The following GABRR2 variants were observed in gnomAD, a reference collection of about 807,000 sequenced individuals.
GABRR2 encodes gamma-aminobutyric acid type A receptor subunit rho2, also known as gamma-aminobutyric acid receptor subunit rho-2.
In GABRR2, 36 loss-of-function variants were observed where a neutral mutation model predicts 47.0. That is an observed-to-expected ratio of 0.77 (90% CI 0.59 to 1.01). The LOEUF (loss-of-function observed/expected upper bound fraction) is 1.01. GABRR2 is among the 50% of genes least tolerant of loss of function. The pLI is 0.00. For synonymous variants in GABRR2, 204 were observed against 227.5 expected (o/e 0.90, Z 0.93); for missense variants, 587 against 594.6 (o/e 0.99, Z 0.13).
chr6:89,281,273 G>A (rs1472678344), intron 2 of GABRR2, among the ~76,000 whole-genome samples: 1 of 152,200 alleles, frequency 6.6e-6, no homozygotes, highest in Non-Finnish European at 1.5e-5. Flanking sequence ...TCTGTTTCAG[G>A]ACACATCACA....
chr6:89,261,655 G>C (rs1327909542), intron 8 of GABRR2, among the ~76,000 whole-genome samples: 1 of 152,150 alleles, frequency 6.6e-6, no homozygotes, highest in Non-Finnish European at 1.5e-5. Context: ...ACACCCCTGC[G>C]CTTAAAGAAT....
chr6:89,271,755 CCTT>C, intron 2 of GABRR2, 33 bp from the exon 3 acceptor site: 2 of 1,591,252 alleles, frequency 1.3e-6, no homozygotes. Context: ...GGTTAAGGCA[CCTT>C]CCTCTCTACC....
Position 89,267,744 on chromosome 6 carries a change from G to T in GABRR2, c.671C>A (p.Ser224Tyr), listed in dbSNP as rs1177545849. The change falls in exon 6 of 9, where the codon TCC becomes TAC. Residue 224 changes from serine to tyrosine, a missense_variant. By Grantham distance (144) the Ser-to-Tyr change is moderately radical (BLOSUM62 -2). Transcript: ENST00000402938. ...DESLKTDEKI[S>Y]LSQFLIQKFH... Reference sequence around the variant, plus strand: ...TTTCTGAATCAGAAACTGAGACAAGGAGATCTTCTCATCTGTTTTTAGGGA... The same window carrying T: ...TTTCTGAATCAGAAACTGAGACAAGTAGATCTTCTCATCTGTTTTTAGGGA... 1.2e-6 allele frequency: 2 copies of T among 1,613,790 alleles called. No individual in the cohort carries two copies. Among genetic ancestry groups the T allele is most frequent in the African/African-American group, 1.3e-5 (1 of 74,942 alleles).
intron 1 of GABRR2, chr6:89,301,725 G>A (rs1481145173): frequency 6.2e-6 from 4 of 645,700 alleles, no homozygotes; most frequent in Non-Finnish European, 1.1e-5. Context: ...AATCAGAGAT[G>A]TCAGCAGCCA....
intron 8 of GABRR2, among the ~76,000 whole-genome samples, chr6:89,258,486 G>A (rs969201774): frequency 6.7e-6 from 1 of 150,194 alleles, no homozygotes; most frequent in Admixed American, 6.6e-5. Context: ...CAGGAGGATC[G>A]CTTGAGGCCA....
chr6:89,263,833 T>C (rs1773811780), intron 8 of GABRR2, among the ~76,000 whole-genome samples: 1 of 152,214 alleles, frequency 6.6e-6, no homozygotes, highest in South Asian at 2.1e-4. Flanking sequence ...GATAGTATAG[T>C]ATTTCCAATT....
At chr6:89,309,336 T>C (rs1162344500) in intron 1 of GABRR2, among the ~76,000 whole-genome samples, 2 of 151,844 alleles carry the variant, frequency 1.3e-5, no homozygotes, top group Non-Finnish European at 2.9e-5. Context: ...TCTTACAGAG[T>C]CCTTTGAACC....
intron 2 of GABRR2, among the ~76,000 whole-genome samples, chr6:89,292,747 T>TATC (rs1774476674): frequency 2.8e-5 from 3 of 108,578 alleles, no homozygotes; most frequent in African/African-American, 3.9e-5. Flanking sequence ...TATATAATCG[T>TATC]ATATATCGTA....
chr6:89,261,778 C>T (rs1773751561), intron 8 of GABRR2, among the ~76,000 whole-genome samples: 1 of 152,118 alleles, frequency 6.6e-6, no homozygotes, highest in Non-Finnish European at 1.5e-5. Flanking sequence ...TGGTTCATGC[C>T]TGTAATCCCA....
intron 2 of GABRR2, among the ~76,000 whole-genome samples, chr6:89,291,345 G>T (rs17741627): frequency 6.6e-6 from 1 of 152,000 alleles, no homozygotes; most frequent in Non-Finnish European, 1.5e-5. Flanking sequence ...AGCCCAAGAC[G>T]CATCCTGTTG....
At chr6:89,291,769 C>T (rs540398867) in intron 2 of GABRR2, among the ~76,000 whole-genome samples, 3 of 152,312 alleles carry the variant, frequency 2.0e-5, no homozygotes, top group African/African-American at 7.2e-5. Context: ...TGTTTCCCCC[C>T]AATAGACCAT....
At chr6:89,304,050 G>C (rs1767508916) in intron 1 of GABRR2, among the ~76,000 whole-genome samples, 1 of 152,222 alleles carries the variant, frequency 6.6e-6, no homozygotes, top group African/African-American at 2.4e-5. Context: ...AAGTGGGAAA[G>C]ATTTCATGAT....
intron 2 of GABRR2, among the ~76,000 whole-genome samples, chr6:89,281,439 G>A (rs144736044): frequency 6.6e-6 from 1 of 152,344 alleles, no homozygotes; most frequent in African/African-American, 2.4e-5. Context: ...ATTTGGGTTG[G>A]ACTTTGAAGC....
At chr6:89,312,575 AAG>A (rs1439345678) in intron 1 of GABRR2, among the ~76,000 whole-genome samples, 2 of 152,250 alleles carry the variant, frequency 1.3e-5, no homozygotes, top group Non-Finnish European at 2.9e-5. Context: ...AGCAATCCTA[AAG>A]AGAGAAAGCA....
chr6:89,295,247 A>G (rs955128529), intron 2 of GABRR2, among the ~76,000 whole-genome samples: 4 of 152,232 alleles, frequency 2.6e-5, no homozygotes, highest in African/African-American at 9.6e-5. Context: ...ACTAGTCTAC[A>G]GTCCCACCAA....
chr6:89,288,843 T>A (rs1433911472), intron 2 of GABRR2, among the ~76,000 whole-genome samples: 2 of 152,210 alleles, frequency 1.3e-5, no homozygotes, highest in African/African-American at 4.8e-5. Context: ...AGACCAGGTC[T>A]CACTGTGTTG....
intron 2 of GABRR2, among the ~76,000 whole-genome samples, chr6:89,295,330 A>C (rs1302812435): frequency 6.6e-6 from 1 of 152,176 alleles, no homozygotes; most frequent in African/African-American, 2.4e-5. Context: ...AATGATGGCC[A>C]TTCTAACTGG....
At chr6:89,295,950 T>C (rs920225552) in intron 2 of GABRR2, among the ~76,000 whole-genome samples, 1 of 152,234 alleles carries the variant, frequency 6.6e-6, no homozygotes, top group African/African-American at 2.4e-5. Context: ...ATGTGTGGTA[T>C]TATTTCTGTG....
At chr6:89,301,955 A>T in intron 1 of GABRR2, 1 of 908,278 alleles carries the variant, frequency 1.1e-6, no homozygotes. Flanking sequence ...TCTTCTCATA[A>T]GTATGTGCCT....
Sources: allele counts gnomAD v4.1 joint callset (sites outside exome capture counted in the v4.1 genomes callset), GRCh38; gene constraint gnomAD v4.1.1; transcripts MANE v1.5; gene names NCBI Gene and HGNC (gene_info 2026-07-23, HGNC 2026-07-21).